The following ME3 variants were observed in gnomAD, a reference collection of about 807,000 sequenced individuals.
ME3 encodes NADP-dependent malic enzyme, mitochondrial.
Under a neutral mutation model 68.9 loss-of-function variants are expected in ME3, and 48 were observed. The ratio of observed to expected loss-of-function variants is 0.70; its 90% CI spans 0.55 to 0.89. The LOEUF (loss-of-function observed/expected upper bound fraction) is 0.89. Ranked by LOEUF, ME3 falls within the 40% of genes least tolerant of loss-of-function variation. ME3 has a pLI of 0.00. For missense variants in ME3, 675 were observed against 797.4 expected, an observed-to-expected ratio of 0.85 and a Z score of 1.85; for synonymous variants, 320 against 318.8, an observed-to-expected ratio of 1.00 and a Z score of -0.04.
intron 2 of ME3, among the ~76,000 whole-genome samples, chr11:86,643,685 T>G (rs553231778): frequency 6.6e-6 from 1 of 152,340 alleles, no homozygotes; most frequent in East Asian, 1.9e-4. Flanking sequence ...ATGAAACCTA[T>G]TATACTGCTT....
chr11:86,632,354 G>A (rs915875398), intron 2 of ME3, among the ~76,000 whole-genome samples: 1 of 152,138 alleles, frequency 6.6e-6, no homozygotes, highest in Non-Finnish European at 1.5e-5. Context: ...AAATGGCCAA[G>A]GGGGGTGGGG....
At chr11:86,544,973 C>A (rs761354923) in intron 4 of ME3, among the ~76,000 whole-genome samples, 1 of 152,164 alleles carries the variant, frequency 6.6e-6, no homozygotes, top group African/African-American at 2.4e-5. Context: ...AGCTTATCCA[C>A]CACGATCAAG....
At chr11:86,632,934 A>G (rs1944107919) in intron 2 of ME3, among the ~76,000 whole-genome samples, 1 of 152,202 alleles carries the variant, frequency 6.6e-6, no homozygotes. Context: ...GTCCTCATGC[A>G]TGAGTCAGCC....
At chr11:86,621,583 C>G (rs985977732) in intron 2 of ME3, among the ~76,000 whole-genome samples, 1 of 151,784 alleles carries the variant, frequency 6.6e-6, no homozygotes, top group Non-Finnish European at 1.5e-5. Flanking sequence ...TTTTTCTTTC[C>G]TTCCTTTCTC....
chr11:86,619,742 C>T (rs1326055672), intron 2 of ME3, among the ~76,000 whole-genome samples: 3 of 152,158 alleles, frequency 2.0e-5, no homozygotes, highest in Non-Finnish European at 2.9e-5. Context: ...TAAATTACCT[C>T]GTCTGGGGTA....
intron 7 of ME3, among the ~76,000 whole-genome samples, chr11:86,475,185 G>A (rs574605600): frequency 6.6e-6 from 1 of 152,320 alleles, no homozygotes; most frequent in Admixed American, 6.5e-5. Flanking sequence ...GGATCATGGG[G>A]GAGGAGTTCT....
intron 2 of ME3, among the ~76,000 whole-genome samples, chr11:86,574,520 A>G (rs1229726886): frequency 6.6e-6 from 1 of 151,624 alleles, no homozygotes; most frequent in East Asian, 1.9e-4. Flanking sequence ...TTTGCTGGAG[A>G]TCCACTCCAA....
At chr11:86,651,321 T>G (rs1011193942) in intron 2 of ME3, among the ~76,000 whole-genome samples, 1 of 152,106 alleles carries the variant, frequency 6.6e-6, no homozygotes, top group Non-Finnish European at 1.5e-5. Context: ...GACCCCTGAG[T>G]AGCCTAACTG....
intron 4 of ME3, among the ~76,000 whole-genome samples, chr11:86,519,815 G>A (rs1356640612): frequency 6.6e-6 from 1 of 152,228 alleles, no homozygotes; most frequent in Non-Finnish European, 1.5e-5. Flanking sequence ...GTGTAGGCCT[G>A]GAGGGCAGAA....
At chr11:86,495,695 A>G (rs1019710050) in intron 6 of ME3, among the ~76,000 whole-genome samples, 4 of 152,162 alleles carry the variant, frequency 2.6e-5, no homozygotes, top group African/African-American at 9.6e-5. Flanking sequence ...AAACTTGAAG[A>G]CTGGTTTTGA....
At chr11:86,540,173 C>A (rs1289998845) in intron 4 of ME3, among the ~76,000 whole-genome samples, 1 of 152,192 alleles carries the variant, frequency 6.6e-6, no homozygotes, top group African/African-American at 2.4e-5. Context: ...GGAATAGAGG[C>A]CCCGAGTTCT....
intron 2 of ME3, among the ~76,000 whole-genome samples, chr11:86,591,343 C>T (rs1169212283): frequency 5.3e-5 from 8 of 152,144 alleles, no homozygotes; most frequent in Non-Finnish European, 1.2e-4. Context: ...TAGTACCTCA[C>T]AATATGATTG....
intron 2 of ME3, among the ~76,000 whole-genome samples, chr11:86,628,626 T>C (rs138197435): frequency 3.3e-5 from 5 of 152,336 alleles, no homozygotes; most frequent in African/African-American, 1.2e-4. Context: ...CTAAGGTCTA[T>C]TTTCTGATCT....
chr11:86,559,923 C>A, intron 2 of ME3, 100 bp from the exon 3 acceptor site: 4 of 1,345,688 alleles, frequency 3.0e-6, no homozygotes, highest in Admixed American at 2.4e-5. Context: ...GTCAGTGTGA[C>A]TCAGTAGAAA....
chr11:86,502,966 G>T (rs1158069622), intron 5 of ME3, among the ~76,000 whole-genome samples: 3 of 152,092 alleles, frequency 2.0e-5, no homozygotes, highest in South Asian at 4.1e-4. Context: ...TACAAGGGTT[G>T]CCCACAGTGC....
At chr11:86,541,523 G>A (rs1956049494) in intron 4 of ME3, among the ~76,000 whole-genome samples, 1 of 152,334 alleles carries the variant, frequency 6.6e-6, no homozygotes, top group East Asian at 1.9e-4. Flanking sequence ...TGTAAACAAA[G>A]CTGCTGGGAA....
At chr11:86,490,296 C>G (rs191889952) in intron 6 of ME3, among the ~76,000 whole-genome samples, 2 of 152,274 alleles carry the variant, frequency 1.3e-5, no homozygotes, top group Admixed American at 1.3e-4. Flanking sequence ...CTGGCCTCCT[C>G]TCTCACTCTC....
At chr11:86,643,918 C>T (rs762716441) in intron 2 of ME3, among the ~76,000 whole-genome samples, 23 of 152,186 alleles carry the variant, frequency 1.5e-4, no homozygotes, top group Non-Finnish European at 2.9e-4. Context: ...GCATCCTCCC[C>T]TGTATAACGA....
At chr11:86,441,810 A>G (rs1377887951) in intron 14 of ME3, among the ~76,000 whole-genome samples, 1 of 151,808 alleles carries the variant, frequency 6.6e-6, no homozygotes, top group Non-Finnish European at 1.5e-5. Flanking sequence ...ACAAGAGGCA[A>G]ATGTGTCCAG....
Sources: gnomAD v4.1 joint callset for allele counts (sites outside exome capture counted in the v4.1 genomes callset) on GRCh38, gnomAD v4.1.1 for gene constraint, MANE v1.5 for transcripts, NCBI Gene and HGNC (gene_info 2026-07-23, HGNC 2026-07-21) for gene names.